Variants in HSF2BP observed in about 807,000 individuals in gnomAD.
HSF2BP encodes the protein heat shock transcription factor 2 binding protein, also known as heat shock factor 2-binding protein.
A neutral mutation model predicts 35.0 loss-of-function variants in HSF2BP; 35 were observed. The ratio of observed to expected loss-of-function variants is 1.00; its 90% CI spans 0.76 to 1.32. The LOEUF is 1.32. Ranked by LOEUF, HSF2BP falls within the 40% of genes most tolerant of loss-of-function variation. HSF2BP has a pLI of 0.00. For synonymous variants in HSF2BP, 114 were observed against 117.4 expected, an observed-to-expected ratio of 0.97 and a Z score of 0.18; for missense variants, 326 against 321.7, an observed-to-expected ratio of 1.01 and a Z score of -0.10.
chr21:43,646,673 T>C (rs2082712661), intron 3 of HSF2BP, among the ~76,000 whole-genome samples: 1 of 152,228 alleles, frequency 6.6e-6, no homozygotes, highest in Admixed American at 6.5e-5. Flanking sequence ...GACAGCTGTA[T>C]GCAACCCTAG....
At chr21:43,649,734 GAA>G (rs2082757732) in intron 3 of HSF2BP, among the ~76,000 whole-genome samples, 1 of 152,330 alleles carries the variant, frequency 6.6e-6, no homozygotes, top group Non-Finnish European at 1.5e-5. Context: ...CATAATGCAT[GAA>G]AAGTGTTTTC....
chr21:43,495,799 TACA>T, the HSF2BP span, among the ~76,000 whole-genome samples: 5 of 106,878 alleles, frequency 4.7e-5, no homozygotes, highest in African/African-American at 1.8e-4. Context: ...AGTGAAATTT[TACA>T]ACAATTCAAA....
intron 8 of HSF2BP, among the ~76,000 whole-genome samples, chr21:43,577,338 T>C (rs2081656103): frequency 2.0e-5 from 3 of 152,348 alleles, no homozygotes; most frequent in African/African-American, 7.2e-5. Flanking sequence ...AGTGACTGTA[T>C]TACTACAGAA....
chr21:43,603,219 G>C (rs141443931), intron 7 of HSF2BP, among the ~76,000 whole-genome samples: 18 of 152,276 alleles, frequency 1.2e-4, no homozygotes, highest in African/African-American at 3.8e-4. Flanking sequence ...CCGTAGAAAG[G>C]AGACTCTGGG....
At chr21:43,652,565 T>TA (rs1490131755) in intron 3 of HSF2BP, among the ~76,000 whole-genome samples, 4 of 152,278 alleles carry the variant, frequency 2.6e-5, no homozygotes, top group African/African-American at 9.6e-5. Context: ...GCTCTATTCT[T>TA]AGAGTCATGT....
chr21:43,622,371 A>G (rs1010697119), intron 6 of HSF2BP, among the ~76,000 whole-genome samples: 6 of 152,206 alleles, frequency 3.9e-5, no homozygotes, highest in African/African-American at 1.4e-4. Context: ...TCTAATTAAA[A>G]GAAATATGGA....
At chr21:43,581,678 C>G (rs2081734512) in intron 8 of HSF2BP, among the ~76,000 whole-genome samples, 1 of 152,236 alleles carries the variant, frequency 6.6e-6, no homozygotes, top group African/African-American at 2.4e-5. Flanking sequence ...TGTTCTTCAG[C>G]AGCTGAAGCC....
intron 4 of HSF2BP, among the ~76,000 whole-genome samples, chr21:43,633,656 G>A (rs2082513999): frequency 6.6e-6 from 1 of 152,188 alleles, no homozygotes; most frequent in African/African-American, 2.4e-5. Context: ...CATTATGGTT[G>A]ATAAACCCAC....
At chr21:43,645,241 C>T (rs1487504846) in intron 3 of HSF2BP, among the ~76,000 whole-genome samples, 3 of 152,132 alleles carry the variant, frequency 2.0e-5, no homozygotes. Flanking sequence ...CAAACTTTAG[C>T]GTACATCAGA....
At chr21:43,614,007 T>G (rs1463735031) in intron 6 of HSF2BP, 60 bp from the exon 7 acceptor site, 3 of 1,214,090 alleles carry the variant, frequency 2.5e-6, no homozygotes. Context: ...TAGACAATTT[T>G]GTGCAGAACA....
In HSF2BP at chr21:43,639,049, G is replaced by A. The variant is rs187796089; in HGVS notation, c.291+5240C>T. On this transcript the variant is annotated intron_variant, in intron 4 of 8. Transcript: ENST00000291560. ...CAAAAGCAATTCAATGAAGGAGAGA[G>A]AGTCTTTTTGAGAAACAGTGCTGAA... Among the ~76,000 whole-genome samples, 234 of 152,258 alleles carry A rather than the reference G, an allele frequency of 1.5e-3. 2 individuals carry two copies. Among genetic ancestry groups the A allele is most frequent in the African/African-American group, 5.4e-3 (223 of 41,542 alleles).
intron 8 of HSF2BP, among the ~76,000 whole-genome samples, chr21:43,588,375 T>C (rs1163376368): frequency 6.6e-6 from 1 of 151,846 alleles, no homozygotes; most frequent in East Asian, 1.9e-4. Context: ...TGAAACTCCA[T>C]CTCAAAAATA....
At chr21:43,582,273 G>A (rs1338838425) in intron 8 of HSF2BP, among the ~76,000 whole-genome samples, 2 of 139,794 alleles carry the variant, frequency 1.4e-5, no homozygotes, top group African/African-American at 5.9e-5. Flanking sequence ...TGCTGAGGGG[G>A]ATGAAGGCCT....
intron 7 of HSF2BP, among the ~76,000 whole-genome samples, chr21:43,612,757 G>T (rs951804831): frequency 6.6e-6 from 1 of 151,870 alleles, no homozygotes; most frequent in African/African-American, 2.4e-5. Context: ...TGAACGCCTA[G>T]GAGTTTGAGG....
At chr21:43,655,162 T>A (rs937248431) in intron 3 of HSF2BP, among the ~76,000 whole-genome samples, 9 of 152,222 alleles carry the variant, frequency 5.9e-5, no homozygotes, top group African/African-American at 2.2e-4. Flanking sequence ...ACAGTGAGAA[T>A]ATAACCAACC....
chr21:43,656,399 T>TACCAACTTAC (rs1272924829), intron 3 of HSF2BP, among the ~76,000 whole-genome samples, 188 bp downstream of exon 3: 1 of 152,236 alleles, frequency 6.6e-6, no homozygotes, highest in Non-Finnish European at 1.5e-5. Context: ...AACCAACTTA[T>TACCAACTTAC]ACCAACTTAC....
At chr21:43,615,935 G>C (rs2082263998) in intron 6 of HSF2BP, among the ~76,000 whole-genome samples, 1 of 151,484 alleles carries the variant, frequency 6.6e-6, no homozygotes, top group Non-Finnish European at 1.5e-5. Context: ...TGCCAAACCT[G>C]ACCAAACTGT....
chr21:43,631,528 C>G (rs554352675), intron 5 of HSF2BP, among the ~76,000 whole-genome samples: 61 of 152,154 alleles, frequency 4.0e-4, no homozygotes, highest in African/African-American at 1.4e-3. Context: ...ACTCCACCTC[C>G]TAATCCATCC....
chr21:43,627,034 A>AT (rs957895220), intron 6 of HSF2BP, among the ~76,000 whole-genome samples: 5 of 151,874 alleles, frequency 3.3e-5, no homozygotes, highest in Non-Finnish European at 5.9e-5. Context: ...CGCCTGGCTA[A>AT]TTTTTTTGTA....
Sources: gnomAD v4.1 joint callset for allele counts (sites outside exome capture counted in the v4.1 genomes callset) on GRCh38, gnomAD v4.1.1 for gene constraint, MANE v1.5 for transcripts, NCBI Gene and HGNC (gene_info 2026-07-23, HGNC 2026-07-21) for gene names.